The following TMPRSS15 variants were observed in gnomAD, a reference collection of about 807,000 sequenced individuals.
TMPRSS15 encodes the protein transmembrane serine protease 15.
TMPRSS15 carries 128 observed loss-of-function variants against 125.3 expected under a neutral mutation model. The observed-to-expected ratio is 1.02, with a 90% CI of 0.89 to 1.18. The LOEUF is 1.18. TMPRSS15 is among the 50% of genes most tolerant of loss of function. The pLI, the probability that TMPRSS15 is intolerant of heterozygous loss-of-function variation, is 0.00. For missense variants in TMPRSS15, 1,283 were observed against 1,212.7 expected, an observed-to-expected ratio of 1.06 and a Z score of -0.86; for synonymous variants, 446 against 423.2, an observed-to-expected ratio of 1.05 and a Z score of -0.66.
chr21:18,319,744 AG>A (rs1201632747), intron 16 of TMPRSS15, among the ~76,000 whole-genome samples: 3 of 152,144 alleles, frequency 2.0e-5, no homozygotes, highest in Non-Finnish European at 4.4e-5. Context: ...CTATTTTTCA[AG>A]TTAACATTTT....
intron 9 of TMPRSS15, 85 bp from the exon 10 acceptor site, chr21:18,353,137 C>A (rs2075588079): frequency 1.7e-6 from 2 of 1,184,594 alleles, no homozygotes; most frequent in Admixed American, 1.9e-5. Context: ...AATAATCTAA[C>A]CTTATACAGC....
chr21:18,431,967 GA>G (rs1476774452), intron 1 of TMPRSS15, among the ~76,000 whole-genome samples: 2 of 152,080 alleles, frequency 1.3e-5, no homozygotes, highest in East Asian at 1.9e-4. Flanking sequence ...TTACTTTTAA[GA>G]AAATAAGTAA....
intron 10 of TMPRSS15, among the ~76,000 whole-genome samples, chr21:18,347,023 T>C (rs1411455960): frequency 1.3e-5 from 2 of 152,146 alleles, no homozygotes; most frequent in Non-Finnish European, 2.9e-5. Flanking sequence ...CACCTAGAAA[T>C]TTTTTGACAC....
intron 1 of TMPRSS15, among the ~76,000 whole-genome samples, chr21:18,424,151 T>C (rs2076197942): frequency 6.6e-6 from 1 of 152,224 alleles, no homozygotes; most frequent in Admixed American, 6.5e-5. Context: ...ATCAGTAGAT[T>C]CATAGTGTTA....
intron 1 of TMPRSS15, among the ~76,000 whole-genome samples, chr21:18,431,311 T>C (rs2076216130): frequency 6.6e-6 from 1 of 152,120 alleles, no homozygotes. Context: ...GGTTTTTCCT[T>C]TGTAATTGCT....
intron 1 of TMPRSS15, among the ~76,000 whole-genome samples, chr21:18,476,905 C>CT (rs199599102): frequency 0.091 from 13,110 of 144,074 alleles, 1,660 homozygotes; most frequent in African/African-American, 0.29. Context: ...TTCTCTCTCT[C>CT]TTTTTTTTTT....
At chr21:18,405,575 A>G (rs1045084823), upstream of TMPRSS15, among the ~76,000 whole-genome samples, 1 of 152,152 alleles carries the variant, frequency 6.6e-6, no homozygotes, top group African/African-American at 2.4e-5. Flanking sequence ...AGCGGAATTA[A>G]GTGCCCATAA....
At chr21:18,444,294 T>C (rs765876784) in intron 1 of TMPRSS15, among the ~76,000 whole-genome samples, 1 of 152,174 alleles carries the variant, frequency 6.6e-6, no homozygotes, top group East Asian at 1.9e-4. Flanking sequence ...CACGGAATAC[T>C]ACATAACCAT....
intron 1 of TMPRSS15, among the ~76,000 whole-genome samples, chr21:18,416,240 A>G (rs959832503): frequency 6.6e-6 from 1 of 152,062 alleles, no homozygotes; most frequent in African/African-American, 2.4e-5. Context: ...TACAGGTGAA[A>G]TGCTATATTC....
intron 1 of TMPRSS15, among the ~76,000 whole-genome samples, chr21:18,434,535 T>C (rs1300699716): frequency 6.6e-6 from 1 of 152,090 alleles, no homozygotes. Context: ...TTTTTAAAAA[T>C]ATCTATGTAA....
At chr21:18,280,020 G>T (rs1293039327) in intron 22 of TMPRSS15, among the ~76,000 whole-genome samples, 1 of 152,128 alleles carries the variant, frequency 6.6e-6, no homozygotes, top group Admixed American at 6.5e-5. Context: ...TAAGGACAGG[G>T]ATATACAACT....
chr21:18,483,319 C>T (rs1979019765), intron 1 of TMPRSS15, among the ~76,000 whole-genome samples: 1 of 151,738 alleles, frequency 6.6e-6, no homozygotes, highest in Non-Finnish European at 1.5e-5. Context: ...TTCCAAACAG[C>T]AGTTCGCTTC....
chr21:18,463,246 C>CAAAAAAAAAA lies in TMPRSS15; in HGVS notation c.10+22543_10+22552dup, dbSNP rs57033426. On this transcript the variant is annotated intron_variant, in intron 1 of 7. Transcript: ENST00000422787. ...GAATATTTACCAAGCAAATGGAAAGCAAAAAAAAAAAAAAAAAAAAAAAAA... is the reference window on the plus strand; with the variant it reads ...GAATATTTACCAAGCAAATGGAAAGCAAAAAAAAAAAAAAAAAAAAAAAAAAAAAAAAAAA... Among the ~76,000 whole-genome samples the CAAAAAAAAAA allele has an allele frequency of 5.2e-4, 6 of 11,520 alleles. 2 individuals carry two copies. The highest frequency in any genetic ancestry group is 2.6e-3 in the Admixed American group (1 of 392). The allele number at this position is 11,520 out of a possible 152,430, so 7.6% of individuals were successfully genotyped here.
chr21:18,451,557 T>G (rs752691122), intron 1 of TMPRSS15, among the ~76,000 whole-genome samples: 4 of 152,202 alleles, frequency 2.6e-5, no homozygotes, highest in African/African-American at 2.4e-5. Flanking sequence ...TAAGCTGCTT[T>G]GGGGACAGCA....
chr21:18,366,621 G>A (rs938241858), intron 6 of TMPRSS15, among the ~76,000 whole-genome samples: 2 of 151,948 alleles, frequency 1.3e-5, no homozygotes, highest in African/African-American at 4.8e-5. Flanking sequence ...AATCCACCTT[G>A]ATTTTCACAA....
At chr21:18,464,172 C>CA (rs1163284712) in intron 1 of TMPRSS15, among the ~76,000 whole-genome samples, 1,476 of 35,882 alleles carry the variant, frequency 0.041, 32 homozygotes, top group Middle Eastern at 0.081. Flanking sequence ...GACTCCGTCT[C>CA]AAAAAAAAAA....
chr21:18,411,335 A>T (rs1354242721), intron 1 of TMPRSS15, among the ~76,000 whole-genome samples: 1 of 152,070 alleles, frequency 6.6e-6, no homozygotes. Context: ...GCATTTTGTT[A>T]AAACTTTTTT....
intron 1 of TMPRSS15, among the ~76,000 whole-genome samples, chr21:18,484,959 A>AT (rs1979051854): frequency 6.6e-6 from 1 of 151,884 alleles, no homozygotes; most frequent in Non-Finnish European, 1.5e-5. Flanking sequence ...TGAATAAGAG[A>AT]TTTAAAAAAA....
chr21:18,343,574 T>C lies in TMPRSS15; in HGVS notation c.1360A>G (p.Lys454Glu), dbSNP rs1442361463. 1 of 1,613,314 alleles carries C rather than the reference T, an allele frequency of 6.2e-7. No homozygotes were observed. Among genetic ancestry groups the C allele is most frequent in the Non-Finnish European group, 8.5e-7 (1 of 1,179,452 alleles). The part of the protein sequence containing the change: ...DQNMEKTVFQ[K>E]EGNYGDNWNY... ...CAATTGTCTCCATAATTTCCTTCCT[T>C]TTGGAAAACTGTCTTCTCCATATTT... The change falls in exon 12 of 25, where the codon AAG becomes GAG. Residue 454 changes from lysine to glutamate, a missense_variant. Physicochemically the swap from Lys to Glu is moderately conservative, Grantham distance 56 (BLOSUM62 1). Transcript: ENST00000284885.
Sources: allele counts gnomAD v4.1 joint callset (sites outside exome capture counted in the v4.1 genomes callset), GRCh38; gene constraint gnomAD v4.1.1; transcripts MANE v1.5; gene names NCBI Gene and HGNC (gene_info 2026-07-23, HGNC 2026-07-21).